Variants in RCOR3 observed in about 807,000 individuals in gnomAD.
The protein encoded by RCOR3 is REST corepressor 3.
RCOR3 carries 13 observed loss-of-function variants against 64.1 expected under a neutral mutation model. That is an observed-to-expected ratio of 0.20 (90% CI 0.13 to 0.32). RCOR3 has a LOEUF of 0.32. Among genes scored for constraint, RCOR3 ranks in the 10% least tolerant of loss-of-function variants. The probability of loss-of-function intolerance (pLI) is 1.00; values close to 1 mark genes in which losing one functional copy is unlikely to be tolerated. For synonymous variants in RCOR3, 215 were observed against 239.0 expected, an observed-to-expected ratio of 0.90 and a Z score of 0.93; for missense variants, 489 against 701.2, an observed-to-expected ratio of 0.70 and a Z score of 3.42.
intron 1 of RCOR3, 171 bp from the exon 2 acceptor site, chr1:211,259,924 GCCCCCCCCCGCTC>G: frequency 2.2e-6 from 1 of 459,850 alleles, no homozygotes; most frequent in Non-Finnish European, 3.2e-6. Context: ...CTCCGCCTTT[GCCCCCCCCCGCTC>G]CCCGCCCCCA....
chr1:211,298,755 C>T (rs2102619524), intron 9 of RCOR3, among the ~76,000 whole-genome samples: 1 of 152,104 alleles, frequency 6.6e-6, no homozygotes, highest in South Asian at 2.1e-4. Context: ...GCCTGTAATC[C>T]CAGTATTTTG....
Position 211,306,553 on chromosome 1 carries a change from G to A in RCOR3, c.1075+2413G>A, listed in dbSNP as rs187741381. ...TGGCTCATAGTAGAAGACTATTACA[G>A]TGACCTGCAGAAAAAAATATTGACT... On this transcript the variant is annotated intron_variant, in intron 10 of 11. Coordinates refer to ENST00000419091, the MANE Select transcript of RCOR3 (RefSeq NM_001136223.3). Among the ~76,000 whole-genome samples the A allele has an allele frequency of 1.5e-3, 232 of 152,152 alleles. 1 individual carries two copies. Among genetic ancestry groups the A allele is most frequent in the African/African-American group, 5.3e-3 (218 of 41,518 alleles).
chr1:211,259,940 C>T, intron 1 of RCOR3, 168 bp from the exon 2 acceptor site: 1 of 1,324,254 alleles, frequency 7.6e-7, no homozygotes, highest in South Asian at 1.8e-5. Flanking sequence ...CCCCGCTCCC[C>T]GCCCCCAATC....
At chr1:211,288,589 A>G (rs1467215817) in intron 7 of RCOR3, among the ~76,000 whole-genome samples, 4 of 147,354 alleles carry the variant, frequency 2.7e-5, no homozygotes, top group African/African-American at 9.8e-5. Context: ...TATTTTATTT[A>G]TTATATTTAT....
At chr1:211,306,856 T>C (rs2102654409) in intron 10 of RCOR3, among the ~76,000 whole-genome samples, 1 of 152,306 alleles carries the variant, frequency 6.6e-6, no homozygotes, top group East Asian at 1.9e-4. Context: ...CTTTATTATG[T>C]TAATTCTAGT....
chr1:211,274,794 T>A (rs1696716346), intron 4 of RCOR3, among the ~76,000 whole-genome samples: 1 of 151,860 alleles, frequency 6.6e-6, no homozygotes, highest in African/African-American at 2.4e-5. Flanking sequence ...CTATATATAA[T>A]ATATGTCTGT....
chr1:211,312,462 G>A lies in RCOR3; in HGVS notation c.1076-258G>A. ...TTTGAGAGTTCAAGAGAGGATTGGAGAAAATAACTGAGTATGTAAAAAATG... is the reference window on the plus strand; with the variant it reads ...TTTGAGAGTTCAAGAGAGGATTGGAAAAAATAACTGAGTATGTAAAAAATG... On this transcript the variant is annotated intron_variant, in intron 10 of 11. Coordinates refer to ENST00000419091, the MANE Select transcript of RCOR3 (RefSeq NM_001136223.3). The surrounding 1 kb of genome is among the most constrained non-coding windows in gnomAD (Gnocchi z 5.0). 1 of 591,262 alleles carries A rather than the reference G, an allele frequency of 1.7e-6. No individual in the cohort carries two copies. The highest frequency in any genetic ancestry group is 3.2e-6 in the Non-Finnish European group (1 of 311,740). The allele number at this position is 591,262 out of a possible 1,614,324, so 36.6% of individuals were successfully genotyped here.
intron 2 of RCOR3, among the ~76,000 whole-genome samples, chr1:211,268,904 A>C (rs1571806865): frequency 1.3e-5 from 2 of 152,082 alleles, no homozygotes; most frequent in Admixed American, 1.3e-4. Context: ...GCAATGTATG[A>C]TTTTTTAACT....
chr1:211,297,659 G>A (rs2102615172), intron 9 of RCOR3, among the ~76,000 whole-genome samples: 1 of 152,200 alleles, frequency 6.6e-6, no homozygotes, highest in East Asian at 1.9e-4. Flanking sequence ...ACTGAAGTTT[G>A]GATATTACTT....
At position 211,313,158 on chromosome 1, in the gene RCOR3, G is replaced by GT. The variant is rs1572031133; in HGVS notation, c.1317+198dup. 7 of 1,457,012 alleles carry GT rather than the reference G, an allele frequency of 4.8e-6. No homozygotes were observed. In the East Asian group the frequency reaches 1.7e-4, roughly 36 times the overall value. The allele number at this position is 1,457,012 out of a possible 1,614,324, so 90.3% of individuals were successfully genotyped here. On this transcript the variant is annotated intron_variant, in intron 11 of 11. Coordinates refer to ENST00000419091, the MANE Select transcript of RCOR3 (RefSeq NM_001136223.3). The surrounding 1 kb of genome is among the most constrained non-coding windows in gnomAD (Gnocchi z 4.7). ...AGTTCTGATTCTAGAAGAATGGAGA[G>GT]TGTATTGTTCTTTCATAGTCTTATT...
intron 7 of RCOR3, among the ~76,000 whole-genome samples, chr1:211,287,208 G>C (rs1250130009): frequency 6.6e-6 from 1 of 152,152 alleles, no homozygotes; most frequent in East Asian, 1.9e-4. Context: ...AGAGTGAGAT[G>C]GACATGGCTC....
Position 211,313,658 on chromosome 1 carries a change from A to C in RCOR3, c.1552A>C (p.Asn518His). 1 of 1,614,186 alleles carries C rather than the reference A, an allele frequency of 6.2e-7. No homozygotes were observed. The highest frequency in any genetic ancestry group is 1.7e-5 in the Admixed American group (1 of 60,024). The part of the protein sequence containing the change: ...QPPPPLIRPA[N>H]SMPPRLNPRP... ...TCCACCACCTCTTATTCGCCCTGCT[A>C]ATTCCATGCCACCCCGTCTAAACCC... Residue 518 changes from asparagine (N) to histidine (H), a missense_variant, in exon 12 of 12, where the codon AAT (asparagine) becomes CAT (histidine). This residue lies in a region of RCOR3 where 402 missense variants were observed against 617.0 expected (regional missense o/e 0.65). Coordinates refer to ENST00000419091, the MANE Select transcript of RCOR3 (RefSeq NM_001136223.3). The surrounding 1 kb of genome is among the most constrained non-coding windows in gnomAD (Gnocchi z 4.7).
intron 7 of RCOR3, among the ~76,000 whole-genome samples, chr1:211,286,701 T>C (rs1247214132): frequency 1.3e-5 from 2 of 152,246 alleles, no homozygotes; most frequent in Non-Finnish European, 2.9e-5. Flanking sequence ...TTATTGACTT[T>C]CTGATTAATA....
intron 2 of RCOR3, among the ~76,000 whole-genome samples, chr1:211,268,937 T>C (rs1233446456): frequency 6.6e-6 from 1 of 152,196 alleles, no homozygotes; most frequent in Non-Finnish European, 1.5e-5. Context: ...TCAGTAATGA[T>C]ATATGATGCT....
chr1:211,278,062 T>G (rs963457365), intron 5 of RCOR3, 55 bp from the exon 6 acceptor site: 1 of 1,453,122 alleles, frequency 6.9e-7, no homozygotes. Context: ...ATCATCAAAA[T>G]TATTCATTTT....
At chr1:211,283,222 G>A (rs1285713404) in intron 7 of RCOR3, among the ~76,000 whole-genome samples, 1 of 152,218 alleles carries the variant, frequency 6.6e-6, no homozygotes, top group Non-Finnish European at 1.5e-5. Context: ...TTATGGAGGT[G>A]TTTTCATTGT....
rs968395042 is a variant in RCOR3 at position 211,316,055 on chromosome 1, G to T, written c.*2287G>T. On this transcript the variant is annotated 3_prime_UTR_variant, in exon 12 of 12. Coordinates refer to ENST00000419091, the MANE Select transcript of RCOR3 (RefSeq NM_001136223.3). ...ATTTTTATATAATTTCATGTTCTAT[G>T]AGGAATTTAGTACCTCTTCACTGTG... is the stretch of plus-strand genomic sequence containing the variant. 2.0e-5 allele frequency: 3 copies of T among 152,118 alleles called. No individual in the cohort carries two copies. The highest frequency in any genetic ancestry group is 7.2e-5 in the African/African-American group (3 of 41,424). 9.4% of individuals were successfully genotyped at this position (152,118 alleles called of 1,614,324 possible).
chr1:211,278,031 C>A, intron 5 of RCOR3, 86 bp from the exon 6 acceptor site: 1 of 1,172,540 alleles, frequency 8.5e-7, no homozygotes, highest in Non-Finnish European at 1.2e-6. Context: ...TTTTATTATG[C>A]CTTTACTAAA....
intron 8 of RCOR3, among the ~76,000 whole-genome samples, chr1:211,292,999 G>T (rs773794962): frequency 2.6e-5 from 4 of 151,996 alleles, no homozygotes; most frequent in Non-Finnish European, 5.9e-5. Flanking sequence ...CAGGAGAATA[G>T]CTTGAATCCG....
Sources: allele counts gnomAD v4.1 joint callset (sites outside exome capture counted in the v4.1 genomes callset), GRCh38; gene constraint gnomAD v4.1.1; regional missense constraint gnomAD v4.1.1; non-coding constraint Gnocchi (gnomAD v3.1); transcripts MANE v1.5; gene names NCBI Gene and HGNC (gene_info 2026-07-23, HGNC 2026-07-21).